TMEM245: variants seen among roughly 807,000 people sequenced by gnomAD.
The protein encoded by TMEM245 is transmembrane protein 245, also known as protein CG-2.
Under a neutral mutation model 101.2 loss-of-function variants are expected in TMEM245, and 69 were observed. The ratio of observed to expected loss-of-function variants is 0.68; its 90% CI spans 0.56 to 0.83. TMEM245 has a LOEUF of 0.83. Ranked by LOEUF, TMEM245 falls within the 40% of genes least tolerant of loss-of-function variation. The probability of loss-of-function intolerance (pLI) is 0.00; values close to 1 mark genes in which losing one functional copy is unlikely to be tolerated. For missense variants in TMEM245, 1,075 were observed against 1,092.8 expected, an observed-to-expected ratio of 0.98 and a Z score of 0.23; for synonymous variants, 537 against 449.8, an observed-to-expected ratio of 1.19 and a Z score of -2.45.
intron 3 of TMEM245, among the ~76,000 whole-genome samples, chr9:109,100,437 C>T (rs1156870725): frequency 6.6e-6 from 1 of 152,188 alleles, no homozygotes; most frequent in Non-Finnish European, 1.5e-5. Flanking sequence ...AATCCTCCAT[C>T]TTCAACCCTC....
Position 109,076,420 on chromosome 9 carries a change from C to T in TMEM245, c.1450-2982G>A, listed in dbSNP as rs567428687. Among the ~76,000 whole-genome samples the T allele has an allele frequency of 1.0e-3, 158 of 151,650 alleles. 2 individuals are homozygous for T. Among genetic ancestry groups the T allele is most frequent in the African/African-American group, 3.1e-3 (128 of 41,294 alleles). ...GGGGGAGGGATAGCATTAGGAGATA[C>T]ACCTAATGTAAATGACGAGTTATTG... is the stretch of plus-strand genomic sequence containing the variant. On this transcript the variant is annotated intron_variant, in intron 8 of 17. Transcript: ENST00000374586.
chr9:109,045,529 T>A (rs141934697), intron 14 of TMEM245, among the ~76,000 whole-genome samples: 72 of 152,312 alleles, frequency 4.7e-4, no homozygotes, highest in African/African-American at 1.7e-3. Flanking sequence ...TGGTTTTGTG[T>A]CCTTGACAAT....
At chr9:109,106,712 T>C (rs918427645) in intron 2 of TMEM245, 103 bp from the exon 3 acceptor site, 1 of 717,444 alleles carries the variant, frequency 1.4e-6, no homozygotes, top group Non-Finnish European at 2.2e-6. Flanking sequence ...GGTATATATA[T>C]TAGTTACAGA....
chr9:109,036,903 T>G (rs547386636), intron 15 of TMEM245, among the ~76,000 whole-genome samples: 96 of 152,344 alleles, frequency 6.3e-4, no homozygotes, highest in South Asian at 1.0e-3. Context: ...ATGTAGTTTC[T>G]AGTTCTGGTC....
At chr9:109,088,261 C>T (rs1829898546) in intron 5 of TMEM245, among the ~76,000 whole-genome samples, 1 of 152,164 alleles carries the variant, frequency 6.6e-6, no homozygotes, top group South Asian at 2.1e-4. Context: ...TTCAACAATT[C>T]CTTTATTACC....
intron 12 of TMEM245, among the ~76,000 whole-genome samples, 195 bp from the exon 13 acceptor site, chr9:109,050,887 T>C (rs766945399): frequency 7.0e-5 from 10 of 143,836 alleles, no homozygotes; most frequent in African/African-American, 1.0e-4. Context: ...GTAAAGAAAA[T>C]AGTAAATCCA....
At chr9:109,093,071 G>A (rs1830050607) in intron 4 of TMEM245, among the ~76,000 whole-genome samples, 1 of 152,102 alleles carries the variant, frequency 6.6e-6, no homozygotes, top group Non-Finnish European at 1.5e-5. Context: ...TCATGGAGGA[G>A]AACTGACAGT....
At chr9:109,080,079 T>TA (rs1443154783) in intron 8 of TMEM245, among the ~76,000 whole-genome samples, 1 of 152,046 alleles carries the variant, frequency 6.6e-6, no homozygotes, top group African/African-American at 2.4e-5. Context: ...ATTGGTTAAT[T>TA]AGATTATCAA....
chr9:109,103,525 T>C (rs565683368), intron 3 of TMEM245, among the ~76,000 whole-genome samples: 9 of 152,144 alleles, frequency 5.9e-5, no homozygotes, highest in Non-Finnish European at 1.2e-4. Context: ...GTGGTACTTA[T>C]ACACAATGGA....
chr9:109,052,980 G>A (rs1211331117), intron 12 of TMEM245, among the ~76,000 whole-genome samples: 3 of 152,080 alleles, frequency 2.0e-5, no homozygotes, highest in Non-Finnish European at 2.9e-5. Context: ...AGAAAATAGA[G>A]GAAGAAACAT....
At position 109,073,381 on chromosome 9, in the gene TMEM245, G is replaced by C. The variant is rs1471166374; in HGVS notation, c.1507C>G (p.Leu503Val). ...TTTGCCCACTCAGGGTGATTTGCTA[G>C]AGTTTCATTAATCAAATTACTTGTG... Reference protein sequence around the residue: ...EVTSNLINETLANHPEWANWL... With the variant: ...EVTSNLINETVANHPEWANWL... Residue 503 changes from leucine to valine, a missense_variant, in exon 9 of 18, where the codon CTA becomes GTA. Physicochemically the swap from Leu to Val is conservative, Grantham distance 32 (BLOSUM62 1). Coordinates refer to ENST00000374586, the MANE Select transcript of TMEM245 (RefSeq NM_032012.4). 1 of 1,612,748 alleles carries C rather than the reference G, an allele frequency of 6.2e-7. No homozygotes were observed. Among genetic ancestry groups the C allele is most frequent in the South Asian group, 1.1e-5 (1 of 91,070 alleles).
chr9:109,036,296 T>C lies in TMEM245; in HGVS notation c.2309A>G (p.Gln770Arg). The change falls in exon 16 of 18, where the codon CAA (glutamine) becomes CGA (arginine). Residue 770 changes from glutamine (Q) to arginine (R), a missense_variant. Gln to Arg is a conservative substitution (Grantham distance 43, BLOSUM62 1). Transcript: ENST00000374586. Reference sequence around the variant, plus strand: ...TAAAATGGCCTTGCATCCTAACCCTTGTGTCAGCCACAGGTCAAGAACTGC... The same window carrying C: ...TAAAATGGCCTTGCATCCTAACCCTCGTGTCAGCCACAGGTCAAGAACTGC... The part of the protein sequence containing the change: ...VPAVLDLWLT[Q>R]GLGCKAILLL... The C allele has an allele frequency of 6.2e-7, 1 of 1,613,982 alleles. No homozygotes were observed. Among genetic ancestry groups the C allele is most frequent in the South Asian group, 1.1e-5 (1 of 91,064 alleles).
At chr9:109,060,328 AG>A in intron 11 of TMEM245, 25 bp downstream of exon 11, 1 of 1,527,920 alleles carries the variant, frequency 6.5e-7, no homozygotes, top group Non-Finnish European at 9.0e-7. Context: ...AGTTTACAAC[AG>A]GAAACTTTAG....
chr9:109,109,204 A>G (rs1830505868), intron 1 of TMEM245, among the ~76,000 whole-genome samples: 1 of 152,182 alleles, frequency 6.6e-6, no homozygotes, highest in South Asian at 2.1e-4. Context: ...AGGACTTCAG[A>G]ACAGAAGAAT....
chr9:109,055,637 CTTTT>C (rs377221189), intron 12 of TMEM245, among the ~76,000 whole-genome samples: 1 of 142,732 alleles, frequency 7.0e-6, no homozygotes, highest in Non-Finnish European at 1.5e-5. Flanking sequence ...TTCTTTTTTT[CTTTT>C]TTTTTTTTTT....
At chr9:109,044,041 GC>G (rs760104592) in intron 14 of TMEM245, among the ~76,000 whole-genome samples, 35 of 152,126 alleles carry the variant, frequency 2.3e-4, no homozygotes, top group Non-Finnish European at 3.2e-4. Flanking sequence ...TAACTCCTCT[GC>G]ACCAGAAGCT....
In TMEM245 at chr9:109,119,568, G is replaced by A. The variant is rs1353192798; in HGVS notation, c.346C>T (p.His116Tyr). The change falls in exon 1 of 18, where the codon CAC becomes TAC. Residue 116 changes from histidine to tyrosine, a missense_variant. Physicochemically the swap from His to Tyr is moderately conservative, Grantham distance 83 (BLOSUM62 2). Transcript: ENST00000374586. ...AGCGCGGCCAGGACGATGGGCGTGT[G>A]CGCGCGGTGCAGGCGCTGCAGCCAG... is the stretch of plus-strand genomic sequence containing the variant. The part of the protein sequence containing the change: ...RHWLQRLHRA[H>Y]TPIVLAALLL... 6.5e-7 allele frequency: 1 copy of A among 1,540,238 alleles called. No homozygotes were observed. Among genetic ancestry groups the A allele is most frequent in the Non-Finnish European group, 8.7e-7 (1 of 1,147,934 alleles).
chr9:109,031,301 T>A lies in TMEM245; in HGVS notation c.2594+2006A>T, dbSNP rs192946995. Among the ~76,000 whole-genome samples, 955 of 152,308 alleles carry A rather than the reference T, an allele frequency of 6.3e-3. 7 individuals carry two copies. The highest frequency in any genetic ancestry group is 9.8e-3 in the Admixed American group (150 of 15,306). On this transcript the variant is annotated intron_variant, in intron 17 of 17. Coordinates refer to ENST00000374586, the MANE Select transcript of TMEM245 (RefSeq NM_032012.4). ...TCGTGGCAAAATAAGAAATTTTTTT[T>A]AAAAAGTTCATAGCATCTTGAATTA... is the stretch of plus-strand genomic sequence containing the variant.
At chr9:109,052,377 G>A (rs980638736) in intron 12 of TMEM245, among the ~76,000 whole-genome samples, 1 of 152,228 alleles carries the variant, frequency 6.6e-6, no homozygotes, top group Non-Finnish European at 1.5e-5. Context: ...AGTGGAACTA[G>A]AGCTTAGAGC....
Sources: gnomAD v4.1 joint callset for allele counts (sites outside exome capture counted in the v4.1 genomes callset) on GRCh38, gnomAD v4.1.1 for gene constraint, MANE v1.5 for transcripts, NCBI Gene and HGNC (gene_info 2026-07-23, HGNC 2026-07-21) for gene names.